The following SMAD2 variants were observed in gnomAD, a reference collection of about 807,000 sequenced individuals.
The protein encoded by SMAD2 is SMAD family member 2.
Under a neutral mutation model 64.4 loss-of-function variants are expected in SMAD2, and 8 were observed. The observed-to-expected ratio is 0.12, with a 90% CI of 0.07 to 0.22. SMAD2 has a LOEUF of 0.22. Ranked by LOEUF, SMAD2 falls within the 10% of genes least tolerant of loss-of-function variation. The pLI is 1.00. For synonymous variants in SMAD2, 203 were observed against 195.8 expected, an observed-to-expected ratio of 1.04 and a Z score of -0.31; for missense variants, 289 against 561.2, an observed-to-expected ratio of 0.51 and a Z score of 4.90.
chr18:47,868,037 C>G (rs2031693599), intron 5 of SMAD2, among the ~76,000 whole-genome samples: 1 of 152,106 alleles, frequency 6.6e-6, no homozygotes, highest in South Asian at 2.1e-4. Flanking sequence ...GCTTCAACAA[C>G]TAAGACAAAC....
intron 10 of SMAD2, among the ~76,000 whole-genome samples, 185 bp from the exon 11 acceptor site, chr18:47,842,135 T>C (rs917539443): frequency 6.6e-6 from 1 of 152,222 alleles, no homozygotes; most frequent in Admixed American, 6.5e-5. Flanking sequence ...GACCTTGTTT[T>C]AGAAGTGATT....
chr18:47,919,843 GA>G (rs1266148655), intron 1 of SMAD2, among the ~76,000 whole-genome samples: 1 of 152,152 alleles, frequency 6.6e-6, no homozygotes, highest in East Asian at 1.9e-4. Context: ...CAACGCAAAA[GA>G]AAAAAATTTT....
At chr18:47,930,211 C>G (rs558002950) in intron 1 of SMAD2, 150 bp downstream of exon 1, 1 of 152,524 alleles carries the variant, frequency 6.6e-6, no homozygotes, top group Non-Finnish European at 1.5e-5. Context: ...GGCCCCGAAC[C>G]CGCACGCCCG....
intron 2 of SMAD2, among the ~76,000 whole-genome samples, chr18:47,874,218 C>T (rs1278822019): frequency 1.3e-5 from 2 of 152,038 alleles, no homozygotes; most frequent in Non-Finnish European, 2.9e-5. Context: ...TATGGAAATA[C>T]TAAGGATCTT....
At chr18:47,908,812 T>C (rs2034008693) in intron 1 of SMAD2, among the ~76,000 whole-genome samples, 1 of 152,212 alleles carries the variant, frequency 6.6e-6, no homozygotes, top group Non-Finnish European at 1.5e-5. Context: ...TCCAGTAAAT[T>C]ATCACAGTAA....
At chr18:47,900,444 T>C (rs933894625) in intron 1 of SMAD2, among the ~76,000 whole-genome samples, 2 of 152,144 alleles carry the variant, frequency 1.3e-5, no homozygotes, top group South Asian at 2.1e-4. Flanking sequence ...GTAGGATCCG[T>C]AGTGATGTGA....
At chr18:47,863,861 T>C (rs986035134) in intron 6 of SMAD2, among the ~76,000 whole-genome samples, 4 of 152,200 alleles carry the variant, frequency 2.6e-5, no homozygotes, top group Non-Finnish European at 5.9e-5. Context: ...AGGAAACTTT[T>C]CCAAAGTGTT....
rs571739236 is a variant in SMAD2 at position 47,927,115 on chromosome 18, G to A, written c.-54+3246C>T. 3.3e-5 allele frequency among the ~76,000 whole-genome samples: 5 copies of A among 152,264 alleles called. No individual in the cohort carries two copies. The South Asian group carries it at 1.0e-3, about 32-fold the overall frequency. On this transcript the variant is annotated intron_variant, in intron 1 of 10. Transcript: ENST00000262160. Reference sequence around the variant, plus strand: ...TCCTTTCACTGAGTTATTCAACTCTGCTTTCTTTCCTTAACCAGCTTCTGT... The same window carrying A: ...TCCTTTCACTGAGTTATTCAACTCTACTTTCTTTCCTTAACCAGCTTCTGT...
Position 47,834,133 on chromosome 18 carries a change from A to G in SMAD2, c.*7694T>C, listed in dbSNP as rs1250020239. ...GGCACATATCCCAATAAGTATCAGA[A>G]ATGTTGACAGCCATAGTGCAGCTGA... On this transcript the variant is annotated 3_prime_UTR_variant, in exon 11 of 11. Coordinates refer to ENST00000262160, the MANE Select transcript of SMAD2 (RefSeq NM_005901.6). The G allele has an allele frequency of 9.4e-6, 2 of 213,502 alleles. No individual in the cohort carries two copies. Among genetic ancestry groups the G allele is most frequent in the Non-Finnish European group, 1.9e-5 (2 of 105,678 alleles). The allele number at this position is 213,502 out of a possible 1,614,324, so 13.2% of individuals were successfully genotyped here.
In SMAD2 at chr18:47,833,467, C is replaced by T. The variant is rs545708188; in HGVS notation, c.*8360G>A. On this transcript the variant is annotated 3_prime_UTR_variant, in exon 11 of 11. Coordinates refer to ENST00000262160, the MANE Select transcript of SMAD2 (RefSeq NM_005901.6). Reference sequence around the variant, plus strand: ...TCATAGAACGAAAGCTCACAAAGAACACATTTAATATCTCCATCACAGTGC... The same window carrying T: ...TCATAGAACGAAAGCTCACAAAGAATACATTTAATATCTCCATCACAGTGC... The T allele has an allele frequency of 1.3e-5, 3 of 228,856 alleles. No homozygotes were observed. The highest frequency in any genetic ancestry group is 4.4e-5 in the African/African-American group (2 of 45,168). The allele number at this position is 228,856 out of a possible 1,614,324, so 14.2% of individuals were successfully genotyped here.
At chr18:47,876,117 T>C (rs1269005564) in intron 2 of SMAD2, among the ~76,000 whole-genome samples, 2 of 152,066 alleles carry the variant, frequency 1.3e-5, no homozygotes, top group African/African-American at 2.4e-5. Context: ...CTACTTGCTA[T>C]GTAAAATCAA....
chr18:47,847,151 G>A (rs1183748144), intron 8 of SMAD2, among the ~76,000 whole-genome samples: 1 of 151,990 alleles, frequency 6.6e-6, no homozygotes, highest in East Asian at 1.9e-4. Flanking sequence ...AAATTTTTTT[G>A]CAGAACCCCA....
chr18:47,908,587 TACACAA>T (rs2033998701), intron 1 of SMAD2, among the ~76,000 whole-genome samples: 1 of 152,162 alleles, frequency 6.6e-6, no homozygotes, highest in Non-Finnish European at 1.5e-5. Flanking sequence ...TATCAAAACT[TACACAA>T]ACACAGACCA....
intron 7 of SMAD2, among the ~76,000 whole-genome samples, chr18:47,850,075 C>G (rs1386321060): frequency 6.9e-6 from 1 of 144,436 alleles, no homozygotes; most frequent in Non-Finnish European, 1.5e-5. Flanking sequence ...TCATTTTTTC[C>G]CGATTATTTT....
At chr18:47,895,470 G>T (rs939994816) in intron 2 of SMAD2, 1 of 152,132 alleles carries the variant, frequency 6.6e-6, no homozygotes, top group Non-Finnish European at 1.5e-5. Context: ...CTTGTTTATC[G>T]TGTATTTCTA....
intron 2 of SMAD2, among the ~76,000 whole-genome samples, chr18:47,871,356 C>A (rs185279002): frequency 6.6e-6 from 1 of 152,080 alleles, no homozygotes; most frequent in Admixed American, 6.6e-5. Context: ...AACTTCAATG[C>A]GGATAAAGGA....
Position 47,838,035 on chromosome 18 carries a change from T to C in SMAD2, c.*3792A>G, listed in dbSNP as rs923175108. Reference sequence around the variant, plus strand: ...AAGAGAAGGATCTTAAAGGTATATATGGGAAGCTTTTAAGAGGTAGAGAAA... The same window carrying C: ...AAGAGAAGGATCTTAAAGGTATATACGGGAAGCTTTTAAGAGGTAGAGAAA... On this transcript the variant is annotated 3_prime_UTR_variant, in exon 11 of 11. Coordinates refer to ENST00000262160, the MANE Select transcript of SMAD2 (RefSeq NM_005901.6). 1 of 233,028 alleles carries C rather than the reference T, an allele frequency of 4.3e-6. No homozygotes were observed. Among genetic ancestry groups the C allele is most frequent in the Non-Finnish European group, 8.5e-6 (1 of 117,614 alleles). 14.4% of individuals were successfully genotyped at this position (233,028 alleles called of 1,614,324 possible). A position where few individuals can be genotyped will look rare whatever the true frequency, so the allele number is the denominator to read the frequency against.
intron 2 of SMAD2, chr18:47,887,047 T>C (rs185033481): frequency 1.4e-4 from 21 of 152,334 alleles, no homozygotes; most frequent in African/African-American, 4.8e-4. Context: ...TTTGGAATTC[T>C]CAATTTTCAA....
intron 2 of SMAD2, among the ~76,000 whole-genome samples, chr18:47,892,752 A>G (rs1254154016): frequency 6.6e-6 from 1 of 152,242 alleles, no homozygotes; most frequent in Non-Finnish European, 1.5e-5. Flanking sequence ...TGAAACAAAC[A>G]TCAGGAATCT....
Sources: gnomAD v4.1 joint callset for allele counts (sites outside exome capture counted in the v4.1 genomes callset) on GRCh38, gnomAD v4.1.1 for gene constraint, MANE v1.5 for transcripts, NCBI Gene and HGNC (gene_info 2026-07-23, HGNC 2026-07-21) for gene names.